HDAC7: variants seen among roughly 807,000 people sequenced by gnomAD.
HDAC7 encodes histone deacetylase 7A.
Under a neutral mutation model 115.5 loss-of-function variants are expected in HDAC7, and 26 were observed. The ratio of observed to expected loss-of-function variants is 0.23; its 90% CI spans 0.16 to 0.31. The LOEUF is 0.31. HDAC7 is among the 10% of genes least tolerant of loss of function. The pLI is 1.00. For missense variants in HDAC7, 1,068 were observed against 1,329.0 expected, an observed-to-expected ratio of 0.80 and a Z score of 3.05; for synonymous variants, 564 against 550.9, an observed-to-expected ratio of 1.02 and a Z score of -0.33.
chr12:47,784,553 C>A (rs1943052814), intron 24 of HDAC7: 2 of 645,734 alleles, frequency 3.1e-6, no homozygotes, highest in East Asian at 2.8e-5. Context: ...TGCTTGCCTG[C>A]AGACAGGGTC....
chr12:47,816,535 T>A (rs11168252), intron 1 of HDAC7, among the ~76,000 whole-genome samples: 24,087 of 151,478 alleles, frequency 0.16, 2,518 homozygotes, highest in Non-Finnish European at 0.23. Flanking sequence ...GGGGGAGGGG[T>A]ACACACACAG....
At chr12:47,794,237 A>G (rs1291767296) in intron 12 of HDAC7, among the ~76,000 whole-genome samples, 3 of 152,228 alleles carry the variant, frequency 2.0e-5, no homozygotes, top group Non-Finnish European at 4.4e-5. Context: ...CACAGCCCCC[A>G]GAAGGAACCA....
chr12:47,791,893 C>A lies in HDAC7; in HGVS notation c.1790G>T (p.Arg597Leu), dbSNP rs202023873. The change falls in exon 14 of 26, where the codon CGG (arginine) becomes CTG (leucine). Residue 597 changes from arginine to leucine, a missense_variant. Arg to Leu is a moderately radical substitution (Grantham distance 102). Around this residue, in one of 6 missense-constraint regions of HDAC7, gnomAD observed 618 missense variants for 701.5 expected, o/e 0.88. Transcript: ENST00000080059. ...IQSIWSRLQE[R>L]GLRSQCECLR... is the part of the protein sequence containing the mutation. ...CACCTCACACTGGCTCCGGAGCCCC[C>A]GCTCCTGCAGCCGGGACCAGATGCT... 12 of 1,611,168 alleles carry A rather than the reference C, an allele frequency of 7.4e-6. No homozygotes were observed. In the South Asian group the frequency reaches 8.8e-5, roughly 12 times the overall value.
intron 1 of HDAC7, 192 bp from the exon 2 acceptor site, chr12:47,802,466 T>G (rs1338568742): frequency 1.3e-6 from 2 of 1,551,198 alleles, no homozygotes; most frequent in Non-Finnish European, 1.7e-6. Context: ...CCCCTGCTGG[T>G]GAAAAGGGCT....
intron 1 of HDAC7, chr12:47,817,513 C>T (rs1445925751): frequency 6.6e-6 from 1 of 152,366 alleles, no homozygotes; most frequent in African/African-American, 2.4e-5. Flanking sequence ...TTATTCAGGC[C>T]CTGCTTCCAG....
intron 24 of HDAC7, chr12:47,784,565 G>A (rs899083721): frequency 3.8e-5 from 26 of 678,756 alleles, no homozygotes; most frequent in Non-Finnish European, 5.9e-5. Context: ...GACAGGGTCT[G>A]TGTCACAGTG....
At chr12:47,789,490 C>A in intron 18 of HDAC7, 33 bp downstream of exon 18, 1 of 1,610,822 alleles carries the variant, frequency 6.2e-7, no homozygotes, top group Non-Finnish European at 8.5e-7. Context: ...TTGCCCCCCA[C>A]CTCATCCCAC....
At position 47,793,336 on chromosome 12, in the gene HDAC7, T is replaced by TACCAA; in HGVS notation, c.1678+32_1678+33insTTGGT. The TACCAA allele has an allele frequency of 1.8e-6, 1 of 546,072 alleles. No individual in the cohort carries two copies. Among genetic ancestry groups the TACCAA allele is most frequent in the Non-Finnish European group, 3.2e-6 (1 of 316,662 alleles). 33.8% of individuals were successfully genotyped at this position (546,072 alleles called of 1,614,324 possible). Reference sequence around the variant, plus strand: ...ACATGGACTCGTGCAGCCGAGCCCCTCCCTCCACCCGCCACCCTCCTCCCG... The same window carrying TACCAA: ...ACATGGACTCGTGCAGCCGAGCCCCTACCAACCCTCCACCCGCCACCCTCCTCCCG... On this transcript the variant is annotated intron_variant, in intron 13 of 25. Transcript: ENST00000080059. The surrounding 1 kb of genome is among the most constrained non-coding windows in gnomAD (Gnocchi z 4.5).
chr12:47,790,840 C>T (rs138755376), intron 16 of HDAC7: 31 of 250,342 alleles, frequency 1.2e-4, no homozygotes, highest in Non-Finnish European at 1.9e-4. Flanking sequence ...GAAGCACCAC[C>T]GTGATGTCAC....
chr12:47,791,742 C>T (rs771183539), intron 14 of HDAC7, 36 bp from the exon 15 acceptor site: 5 of 1,608,096 alleles, frequency 3.1e-6, no homozygotes, highest in African/African-American at 1.3e-5. Flanking sequence ...AGCTCATGCT[C>T]GCCCCTTCCC....
At position 47,798,161 on chromosome 12, in the gene HDAC7, C is replaced by T; in HGVS notation, c.408G>A (p.Gln136=). The change falls in exon 5 of 26, where the codon CAG becomes CAA. Residue 136 remains glutamine (Q), a synonymous_variant. Transcript: ENST00000080059. This position sits in a 1 kb window ranked among gnomAD's most constrained non-coding sequence, Gnocchi z 4.3. ...QKLAEVILKK[Q]QAALERTVHP... is the part of the protein sequence containing the mutation. Reference sequence around the variant, plus strand: ...GGACTGTTCTTTCTAGGGCCGCCTGCTGTTTTTTCAGAATCACCTCCGCTA... The same window carrying T: ...GGACTGTTCTTTCTAGGGCCGCCTGTTGTTTTTTCAGAATCACCTCCGCTA... The T allele has an allele frequency of 6.2e-7, 1 of 1,613,818 alleles. No homozygotes were observed. The highest frequency in any genetic ancestry group is 8.5e-7 in the Non-Finnish European group (1 of 1,179,910).
Position 47,790,714 on chromosome 12 carries a change from C to T in HDAC7, c.1983+545G>A, listed in dbSNP as rs539972292. ...TAGTGTTAGGCGAGGAGAGCTGAGC[C>T]GGAGGGAGCGGGAAGCTCCCTTCAC... On this transcript the variant is annotated intron_variant, in intron 16 of 25. Transcript: ENST00000080059. 1.0e-4 allele frequency: 17 copies of T among 166,992 alleles called. No individual in the cohort carries two copies. The South Asian group carries it at 2.0e-3, about 20-fold the overall frequency. 10.3% of individuals were successfully genotyped at this position (166,992 alleles called of 1,614,324 possible).
chr12:47,812,292 A>G (rs1944702915), intron 1 of HDAC7, among the ~76,000 whole-genome samples: 2 of 152,202 alleles, frequency 1.3e-5, no homozygotes, highest in South Asian at 4.1e-4. Context: ...GGGTGGAGGA[A>G]TCTGGAACAG....
chr12:47,801,473 A>AT (rs59511988), intron 2 of HDAC7, among the ~76,000 whole-genome samples: 6,458 of 151,636 alleles, frequency 0.043, 452 homozygotes, highest in African/African-American at 0.15. Context: ...ATTGCATTCT[A>AT]TTTTTTTTCG....
At chr12:47,805,213 G>C (rs1944345685) in intron 1 of HDAC7, among the ~76,000 whole-genome samples, 2 of 151,758 alleles carry the variant, frequency 1.3e-5, no homozygotes. Flanking sequence ...TGGGACTACA[G>C]TATGCACCAC....
chr12:47,788,978 G>GATC (rs1943326432), intron 19 of HDAC7: 3 of 423,542 alleles, frequency 7.1e-6, no homozygotes, highest in Non-Finnish European at 8.5e-6. Flanking sequence ...GAAATTACTA[G>GATC]ATCTGCCAAA....
chr12:47,791,801 G>GGCCCCCCC, intron 14 of HDAC7, 70 bp downstream of exon 14: 1 of 1,511,066 alleles, frequency 6.6e-7, no homozygotes, highest in Non-Finnish European at 9.0e-7. Flanking sequence ...GGGCCCCAGG[G>GGCCCCCCC]CCCCCCACCC....
intron 7 of HDAC7, among the ~76,000 whole-genome samples, chr12:47,796,544 C>T (rs975571714): frequency 3.3e-5 from 5 of 152,036 alleles, no homozygotes; most frequent in African/African-American, 7.3e-5. Context: ...CTGGCTCAGC[C>T]TCCCAAGTAG....
chr12:47,796,011 G>A lies in HDAC7; in HGVS notation c.801C>T (p.Leu267=). ...CCTGCAGCCGCAGCCGCTGGCCCAA[G>A]AGCGCCTGCCATAGGGAGCAGGGCG... is the stretch of plus-strand genomic sequence containing the variant. ...GPNPILGSEA[L]LGQRLRLQET... The change falls in exon 9 of 26, where the codon CTC becomes CTT. Residue 267 remains leucine (L), a synonymous_variant. Coordinates refer to ENST00000080059, the MANE Select transcript of HDAC7 (RefSeq NM_015401.5). 1 of 1,549,708 alleles carries A rather than the reference G, an allele frequency of 6.5e-7. No homozygotes were observed.
Sources: allele counts gnomAD v4.1 joint callset (sites outside exome capture counted in the v4.1 genomes callset), GRCh38; gene constraint gnomAD v4.1.1; regional missense constraint gnomAD v4.1.1; non-coding constraint Gnocchi (gnomAD v3.1); transcripts MANE v1.5; gene names NCBI Gene and HGNC (gene_info 2026-07-23, HGNC 2026-07-21).